Variants in RASSF3 observed in about 807,000 individuals in gnomAD.
RASSF3 encodes the protein ras association domain-containing protein 3.
RASSF3 carries 19 observed loss-of-function variants against 19.9 expected under a neutral mutation model. The ratio of observed to expected loss-of-function variants is 0.96; its 90% CI spans 0.67 to 1.40. The LOEUF is 1.40. RASSF3 is among the 40% of genes most tolerant of loss of function. The pLI, the probability that RASSF3 is intolerant of heterozygous loss-of-function variation, is 0.00. For missense variants in RASSF3, 306 were observed against 289.8 expected, an observed-to-expected ratio of 1.06 and a Z score of -0.41; for synonymous variants, 110 against 104.2, an observed-to-expected ratio of 1.06 and a Z score of -0.34.
At chr12:64,566,325 C>T (rs1869430955) in intron 2 of RASSF3, among the ~76,000 whole-genome samples, 1 of 152,214 alleles carries the variant, frequency 6.6e-6, no homozygotes. Flanking sequence ...TCTTGTTTTA[C>T]ATTTTTTAAT....
chr12:64,543,045 GC>G (rs561180358), downstream of RASSF3, among the ~76,000 whole-genome samples: 1 of 60,848 alleles, frequency 1.6e-5, no homozygotes, highest in African/African-American at 3.6e-5. Context: ...GGAGTGGCGG[GC>G]CCCGCACTTG....
intron 1 of RASSF3, among the ~76,000 whole-genome samples, chr12:64,629,226 C>T (rs772442005): frequency 5.3e-5 from 8 of 151,908 alleles, no homozygotes; most frequent in South Asian, 2.1e-4. Flanking sequence ...CTCAGCCTCC[C>T]GAGTAGCTAG....
At chr12:64,585,135 C>T (rs910825499) in intron 2 of RASSF3, among the ~76,000 whole-genome samples, 3 of 152,106 alleles carry the variant, frequency 2.0e-5, no homozygotes, top group Admixed American at 6.6e-5. Context: ...CTGCCTGCCT[C>T]GGCCTCCCAG....
intron 1 of RASSF3, among the ~76,000 whole-genome samples, chr12:64,670,542 CTCT>C (rs1872667456): frequency 2.8e-5 from 3 of 105,708 alleles, no homozygotes; most frequent in South Asian, 4.4e-4. Flanking sequence ...TTCTCTCTCT[CTCT>C]TTTTTTTTTT....
At chr12:64,570,801 A>G (rs932247844) in intron 2 of RASSF3, among the ~76,000 whole-genome samples, 24 of 152,264 alleles carry the variant, frequency 1.6e-4, no homozygotes, top group African/African-American at 5.5e-4. Context: ...CACTGAAAAC[A>G]TGAGGGTTCT....
rs1027512655 is a variant in RASSF3 at position 64,694,969 on chromosome 12, A to C, written c.*57A>C. ...AGGACCGATGTACAAAACAGCAGCAAGTGCCTCTCTTCTCAGAGGGCTGCT... is the reference window on the plus strand; with the variant it reads ...AGGACCGATGTACAAAACAGCAGCACGTGCCTCTCTTCTCAGAGGGCTGCT... On this transcript the variant is annotated 3_prime_UTR_variant, in exon 5 of 5. Coordinates refer to ENST00000542104, the MANE Select transcript of RASSF3 (RefSeq NM_178169.4). 2.5e-6 allele frequency: 4 copies of C among 1,576,462 alleles called. No homozygotes were observed. In the Admixed American group the frequency reaches 7.1e-5, roughly 28 times the overall value.
rs1162666925 is a variant in RASSF3, at chr12:64,688,252, C to A, written c.256C>A (p.Gln86Lys). Residue 86 changes from glutamine to lysine, a missense_variant, in exon 3 of 5, where the codon CAG (glutamine) becomes AAG (lysine). Transcript: ENST00000542104. ...GATTTACACTGGCTTCATTAAAGTA[C>A]AGATGGAACTCTGCAAACCTCCACA... ...NGIYTGFIKV[Q>K]MELCKPPQTS... 14 of 1,614,092 alleles carry A rather than the reference C, an allele frequency of 8.7e-6. No homozygotes were observed. The highest frequency in any genetic ancestry group is 1.2e-5 in the Non-Finnish European group (14 of 1,179,938).
At chr12:64,641,797 C>T (rs1395441858) in intron 1 of RASSF3, among the ~76,000 whole-genome samples, 1 of 151,362 alleles carries the variant, frequency 6.6e-6, no homozygotes, top group Non-Finnish European at 1.5e-5. Flanking sequence ...GGCTAGAGTG[C>T]AGTAGTGTGA....
chr12:64,680,217 G>T (rs1314955567), intron 1 of RASSF3, among the ~76,000 whole-genome samples: 5 of 152,074 alleles, frequency 3.3e-5, no homozygotes, highest in Non-Finnish European at 7.4e-5. Context: ...TTTTAAAGGG[G>T]TAAACAATTG....
intron 1 of RASSF3, among the ~76,000 whole-genome samples, chr12:64,615,441 C>T (rs1274922136): frequency 1.3e-5 from 2 of 152,170 alleles, no homozygotes; most frequent in South Asian, 2.1e-4. Context: ...AATTTTACTT[C>T]AGTAAGTAAG....
downstream of RASSF3, among the ~76,000 whole-genome samples, chr12:64,543,358 C>T (rs1348509696): frequency 6.6e-6 from 1 of 150,846 alleles, no homozygotes; most frequent in African/African-American, 2.4e-5. Flanking sequence ...CGGGCCTTAG[C>T]TGCCTCCCCA....
At position 64,599,730 on chromosome 12, in the gene RASSF3, C is replaced by T. The variant is rs186337163; in HGVS notation, c.294+58025C>T. On this transcript the variant is annotated intron_variant, in intron 2 of 5. Transcript: ENST00000637125. ...TAGGAGGATTAAATGAGTTTAGGAG[C>T]GCTCAAAATACTGCCTGATAAGCCG... Among the ~76,000 whole-genome samples, 8 of 152,164 alleles carry T rather than the reference C, an allele frequency of 5.3e-5. No homozygotes were observed. In the East Asian group the frequency reaches 7.7e-4, roughly 15 times the overall value.
At chr12:64,646,758 T>C (rs1871749169) in intron 1 of RASSF3, among the ~76,000 whole-genome samples, 1 of 152,136 alleles carries the variant, frequency 6.6e-6, no homozygotes, top group Non-Finnish European at 1.5e-5. Flanking sequence ...TTTTTTTTTT[T>C]TTCTGTTGAA....
intron 2 of RASSF3, among the ~76,000 whole-genome samples, chr12:64,557,828 T>C (rs950166105): frequency 6.6e-6 from 1 of 152,198 alleles, no homozygotes; most frequent in South Asian, 2.1e-4. Context: ...GATGGTATAA[T>C]GCACGATATG....
chr12:64,528,478 T>G (rs1178043225), upstream of RASSF3, among the ~76,000 whole-genome samples: 1 of 152,152 alleles, frequency 6.6e-6, no homozygotes, highest in Non-Finnish European at 1.5e-5. Flanking sequence ...ATACAGGAAT[T>G]CAGATTTCTT....
At chr12:64,520,950 C>A (rs1868466328) in intron 1 of RASSF3, among the ~76,000 whole-genome samples, 2 of 151,926 alleles carry the variant, frequency 1.3e-5, no homozygotes, top group Admixed American at 1.3e-4. Context: ...ATGTAGCCTT[C>A]TGATGAAAGA....
chr12:64,569,842 G>A (rs1394847384), intron 2 of RASSF3, among the ~76,000 whole-genome samples: 4 of 152,192 alleles, frequency 2.6e-5, no homozygotes, highest in African/African-American at 4.8e-5. Flanking sequence ...GCGCATGCCT[G>A]TAATCCCAGC....
chr12:64,531,180 T>G (rs79429533), upstream of RASSF3, among the ~76,000 whole-genome samples: 1,280 of 152,322 alleles, frequency 8.4e-3, 10 homozygotes, highest in Middle Eastern at 0.041. Context: ...GCTTTAGGTT[T>G]TACATTTAGC....
chr12:64,652,184 A>T (rs1292635610), intron 1 of RASSF3, among the ~76,000 whole-genome samples: 1 of 152,064 alleles, frequency 6.6e-6, no homozygotes, highest in African/African-American at 2.4e-5. Flanking sequence ...TAGAGGGCTG[A>T]GGTTCTAATG....
Sources: allele counts gnomAD v4.1 joint callset (sites outside exome capture counted in the v4.1 genomes callset), GRCh38; gene constraint gnomAD v4.1.1; transcripts MANE v1.5; gene names NCBI Gene and HGNC (gene_info 2026-07-23, HGNC 2026-07-21).